Variants in SRL observed in about 807,000 individuals in gnomAD.
SRL encodes sarcalumenin.
SRL carries 23 observed loss-of-function variants against 39.5 expected under a neutral mutation model. The observed-to-expected ratio is 0.58, with a 90% CI of 0.42 to 0.82. The LOEUF is 0.82. Ranked by LOEUF, SRL falls within the 40% of genes least tolerant of loss-of-function variation. The probability of loss-of-function intolerance (pLI) is 0.00; values close to 1 mark genes in which losing one functional copy is unlikely to be tolerated. For missense variants in SRL, 592 were observed against 607.8 expected (o/e 0.97, Z 0.27); for synonymous variants, 272 against 237.4 (o/e 1.15, Z -1.34).
At chr16:4,217,540 C>T (rs13335141) in intron 1 of SRL, among the ~76,000 whole-genome samples, 1 of 152,108 alleles carries the variant, frequency 6.6e-6, no homozygotes, top group East Asian at 1.9e-4. Flanking sequence ...GCGTGAGCCA[C>T]TGGCCCCTCC....
chr16:4,219,328 C>T (rs1199508690), intron 1 of SRL, among the ~76,000 whole-genome samples: 1 of 152,252 alleles, frequency 6.6e-6, no homozygotes. Context: ...CACATCCTGC[C>T]CTGTCCCTGG....
At chr16:4,217,191 A>G (rs1389595205) in intron 1 of SRL, among the ~76,000 whole-genome samples, 1 of 152,088 alleles carries the variant, frequency 6.6e-6, no homozygotes, top group Non-Finnish European at 1.5e-5. Flanking sequence ...CCAGCCTCCT[A>G]GATAGTGGCT....
chr16:4,208,647 C>T (rs573241268), intron 1 of SRL, among the ~76,000 whole-genome samples: 4 of 152,288 alleles, frequency 2.6e-5, no homozygotes, highest in African/African-American at 9.6e-5. Flanking sequence ...TGTTTGCAGG[C>T]CGGATAATCT....
At chr16:4,216,883 G>T (rs1038289089) in intron 1 of SRL, among the ~76,000 whole-genome samples, 1 of 152,214 alleles carries the variant, frequency 6.6e-6, no homozygotes, top group South Asian at 2.1e-4. Flanking sequence ...CCTGGGATCT[G>T]TGGGGATGAG....
intron 1 of SRL, among the ~76,000 whole-genome samples, chr16:4,241,042 C>A (rs2052767326): frequency 1.3e-5 from 2 of 152,108 alleles, no homozygotes. Flanking sequence ...ACCCCCTATT[C>A]AACCTCAAAG....
At position 4,192,565 on chromosome 16, in the gene SRL, G is replaced by A; in HGVS notation, c.1010C>T (p.Ala337Val). 6.2e-7 allele frequency: 1 copy of A among 1,614,186 alleles called. No homozygotes were observed. Among genetic ancestry groups the A allele is most frequent in the South Asian group, 1.1e-5 (1 of 91,086 alleles). Residue 337 changes from alanine to valine, a missense_variant, in exon 6 of 6, where the codon GCC becomes GTC. Ala to Val is a moderately conservative substitution (Grantham distance 64, BLOSUM62 0). Transcript: ENST00000399609. The surrounding 1 kb of genome is among the most constrained non-coding windows in gnomAD (Gnocchi z 4.0). ...ENKIAFIRQH[A>V]IRVRIHALLV... is the part of the protein sequence containing the mutation. ...GAGGGCGTGGATGCGGACCCGGATG[G>A]CGTGCTGGCGGATGAAGGCAATCTT...
intron 1 of SRL, among the ~76,000 whole-genome samples, chr16:4,237,237 C>T (rs1283719394): frequency 1.3e-5 from 2 of 152,204 alleles, no homozygotes; most frequent in Non-Finnish European, 2.9e-5. Context: ...CCACTTCATC[C>T]AAGCCCAAAC....
chr16:4,197,060 CT>C (rs1172658613), intron 4 of SRL, among the ~76,000 whole-genome samples: 878 of 85,896 alleles, frequency 0.01, 1 homozygote, highest in African/African-American at 0.037. Context: ...TCCAAATTTT[CT>C]TTTTTTTTTT....
intron 2 of SRL, 132 bp downstream of exon 2, chr16:4,204,401 C>CATGATACAGCCCCGGCCTCT: frequency 1.3e-6 from 1 of 794,598 alleles, no homozygotes; most frequent in South Asian, 1.6e-5. Context: ...CTCCAGCCTC[C>CATGATACAGCCCCGGCCTCT]AAGATAGATA....
At chr16:4,209,054 C>T (rs943445581) in intron 1 of SRL, among the ~76,000 whole-genome samples, 2 of 152,116 alleles carry the variant, frequency 1.3e-5, no homozygotes, top group African/African-American at 2.4e-5. Flanking sequence ...AGGCAGATCA[C>T]CTGAGGTTGG....
At chr16:4,212,922 C>A (rs2052411666) in intron 1 of SRL, among the ~76,000 whole-genome samples, 2 of 152,192 alleles carry the variant, frequency 1.3e-5, no homozygotes, top group African/African-American at 4.8e-5. Context: ...TTTCTTCAGC[C>A]CTGTCTCTTT....
chr16:4,216,420 C>T (rs552155903), intron 1 of SRL, among the ~76,000 whole-genome samples: 1 of 151,966 alleles, frequency 6.6e-6, no homozygotes, highest in Non-Finnish European at 1.5e-5. Flanking sequence ...CACAAGTGCA[C>T]GCAACCACAC....
At chr16:4,238,133 G>A (rs2052732548) in intron 1 of SRL, among the ~76,000 whole-genome samples, 1 of 152,196 alleles carries the variant, frequency 6.6e-6, no homozygotes, top group Non-Finnish European at 1.5e-5. Flanking sequence ...GCACATACGA[G>A]CGATGTTTAC....
Position 4,192,296 on chromosome 16 carries a change from A to G in SRL, c.1279T>C (p.Phe427Leu), listed in dbSNP as rs369270534. 6.2e-6 allele frequency: 10 copies of G among 1,614,078 alleles called. No homozygotes were observed. The Admixed American group carries it at 6.7e-5, about 11-fold the overall frequency. Reference protein sequence around the residue: ...SQQCSYMGGCFLEKIERAITQ... With the variant: ...SQQCSYMGGCLLEKIERAITQ... ...ATGGCCCGCTCAATCTTCTCCAGAAAGCAACCTCCCATGTAGGAGCACTGC... is the reference window on the plus strand; with the variant it reads ...ATGGCCCGCTCAATCTTCTCCAGAAGGCAACCTCCCATGTAGGAGCACTGC... Residue 427 changes from phenylalanine to leucine, a missense_variant, in exon 6 of 6, where the codon TTT (phenylalanine) becomes CTT (leucine). Coordinates refer to ENST00000399609, the MANE Select transcript of SRL (RefSeq NM_001098814.2). The surrounding 1 kb of genome is among the most constrained non-coding windows in gnomAD (Gnocchi z 4.0).
intron 1 of SRL, among the ~76,000 whole-genome samples, chr16:4,220,991 A>C (rs2052523205): frequency 6.6e-6 from 1 of 151,406 alleles, no homozygotes; most frequent in South Asian, 2.1e-4. Flanking sequence ...TCTCAAAAAA[A>C]ACCCCACAAA....
rs913973697 is a variant in SRL at position 4,190,554 on chromosome 16, T to G, written c.*1599A>C. ...TCCTGCCCCTCTGCTCCCCACCACC[T>G]GCTGTGGAGCCGTGCATGCTAGCCT... On this transcript the variant is annotated 3_prime_UTR_variant, in exon 6 of 6. Coordinates refer to ENST00000399609, the MANE Select transcript of SRL (RefSeq NM_001098814.2). 7.5e-6 allele frequency: 3 copies of G among 398,562 alleles called. No homozygotes were observed. Among genetic ancestry groups the G allele is most frequent in the Admixed American group, 4.4e-5 (1 of 22,714 alleles). The allele number at this position is 398,562 out of a possible 1,614,324, so 24.7% of individuals were successfully genotyped here. A position where few individuals can be genotyped will look rare whatever the true frequency, so the allele number is the denominator to read the frequency against.
chr16:4,195,689 G>A lies in SRL; in HGVS notation c.474C>T (p.Ser158=). 2 of 1,614,154 alleles carry A rather than the reference G, an allele frequency of 1.2e-6. No individual in the cohort carries two copies. Among genetic ancestry groups the A allele is most frequent in the East Asian group, 4.5e-5 (2 of 44,878 alleles). The part of the protein sequence containing the change: ...GIVMAADSAR[S]FSPLEKFGQN... ...GGCCAAACTTCTCAAGGGGTGAGAA[G>A]GAACGGGCGCTGTCAGCAGCCATGA... The change falls in exon 5 of 6, where the codon TCC becomes TCT. Residue 158 remains serine, a synonymous_variant. Coordinates refer to ENST00000399609, the MANE Select transcript of SRL (RefSeq NM_001098814.2).
At chr16:4,198,217 G>A (rs965963971) in intron 3 of SRL, among the ~76,000 whole-genome samples, 1 of 152,244 alleles carries the variant, frequency 6.6e-6, no homozygotes, top group African/African-American at 2.4e-5. Flanking sequence ...GAGGTCTCCT[G>A]GTTAAATCTG....
In SRL at chr16:4,204,259, C is replaced by T. The variant is rs953197985; in HGVS notation, c.163+274G>A. On this transcript the variant is annotated intron_variant, in intron 2 of 5. Coordinates refer to ENST00000399609, the MANE Select transcript of SRL (RefSeq NM_001098814.2). ...AGCATGGGGCTGCACTGGCTTCGCCCACACCAGGCCGTCTACTTGGATGGC... is the reference window on the plus strand; with the variant it reads ...AGCATGGGGCTGCACTGGCTTCGCCTACACCAGGCCGTCTACTTGGATGGC... Among the ~76,000 whole-genome samples, 12 of 152,202 alleles carry T rather than the reference C, an allele frequency of 7.9e-5. No homozygotes were observed. In the East Asian group the frequency reaches 1.9e-3, roughly 24 times the overall value.
Sources: gnomAD v4.1 joint callset for allele counts (sites outside exome capture counted in the v4.1 genomes callset) on GRCh38, gnomAD v4.1.1 for gene constraint, Gnocchi (gnomAD v3.1) non-coding constraint, MANE v1.5 for transcripts, NCBI Gene and HGNC (gene_info 2026-07-23, HGNC 2026-07-21) for gene names.